The following ESCO1 variants were observed in gnomAD, a reference collection of about 807,000 sequenced individuals.
ESCO1 encodes establishment of sister chromatid cohesion N-acetyltransferase 1.
Under a neutral mutation model 83.5 loss-of-function variants are expected in ESCO1, and 33 were observed. The ratio of observed to expected loss-of-function variants is 0.40; its 90% CI spans 0.30 to 0.53. The LOEUF is 0.53. Among genes scored for constraint, ESCO1 ranks in the 20% least tolerant of loss-of-function variants. The pLI is 0.63. For missense variants in ESCO1, 855 were observed against 968.0 expected, an observed-to-expected ratio of 0.88 and a Z score of 1.55; for synonymous variants, 332 against 324.3, an observed-to-expected ratio of 1.02 and a Z score of -0.25.
intron 1 of ESCO1, among the ~76,000 whole-genome samples, chr18:21,590,382 C>T (rs1269994167): frequency 2.6e-5 from 4 of 151,450 alleles, no homozygotes; most frequent in Non-Finnish European, 5.9e-5. Flanking sequence ...CCACCACACC[C>T]AGCTAATTAT....
At chr18:21,595,412 G>C (rs1443935046) in intron 1 of ESCO1, among the ~76,000 whole-genome samples, 1 of 149,042 alleles carries the variant, frequency 6.7e-6, no homozygotes, top group Non-Finnish European at 1.5e-5. Context: ...GTTCACGCCT[G>C]TAATCCCAGC....
intron 1 of ESCO1, among the ~76,000 whole-genome samples, chr18:21,586,326 C>T (rs1200636618): frequency 6.6e-6 from 1 of 152,138 alleles, no homozygotes; most frequent in Non-Finnish European, 1.5e-5. Context: ...TAATGTCTTC[C>T]AGTTTTATCC....
intron 4 of ESCO1, among the ~76,000 whole-genome samples, chr18:21,570,420 G>C (rs531757144): frequency 1.1e-4 from 17 of 152,226 alleles, no homozygotes; most frequent in Admixed American, 5.2e-4. Flanking sequence ...TCTTTTCATA[G>C]AAGAAAAGAT....
intron 1 of ESCO1, among the ~76,000 whole-genome samples, chr18:21,589,410 TTTCTTTG>T (rs1461883188): frequency 2.1e-5 from 1 of 47,340 alleles, no homozygotes; most frequent in Non-Finnish European, 1.2e-4. Context: ...TTTTTACTTT[TTTCTTTG>T]TTATTTATTT....
At chr18:21,544,880 A>C (rs2037952756) in intron 8 of ESCO1, among the ~76,000 whole-genome samples, 1 of 152,224 alleles carries the variant, frequency 6.6e-6, no homozygotes, top group Admixed American at 6.5e-5. Flanking sequence ...GAAGTAAAAA[A>C]TAAATGCAAA....
intron 1 of ESCO1, among the ~76,000 whole-genome samples, chr18:21,595,856 C>G (rs1291165843): frequency 6.6e-6 from 1 of 151,164 alleles, no homozygotes; most frequent in African/African-American, 2.4e-5. Flanking sequence ...CCCAGCTACT[C>G]GGGAGGCTGA....
chr18:21,559,180 G>A (rs1277109262), intron 8 of ESCO1, among the ~76,000 whole-genome samples: 3 of 152,074 alleles, frequency 2.0e-5, no homozygotes, highest in Non-Finnish European at 4.4e-5. Flanking sequence ...TAAGAATGTC[G>A]ACCTTGATAA....
At chr18:21,543,321 ATTTT>A (rs1447449841) in intron 8 of ESCO1, among the ~76,000 whole-genome samples, 2 of 151,736 alleles carry the variant, frequency 1.3e-5, no homozygotes, top group Non-Finnish European at 2.9e-5. Context: ...CGCCGAGCTG[ATTTT>A]TTTTGTATTT....
At position 21,584,438 on chromosome 18, in the gene ESCO1, A is replaced by T. The variant is rs2038545381; in HGVS notation, c.-822T>A. 2 of 126,762 alleles carry T rather than the reference A, an allele frequency of 1.6e-5. No homozygotes were observed. Among genetic ancestry groups the T allele is most frequent in the South Asian group, 2.6e-4 (1 of 3,902 alleles). 7.9% of individuals were successfully genotyped at this position (126,762 alleles called of 1,614,324 possible). The stretch of plus-strand genomic sequence containing the variant: ...AAAAAAAAACTCTATAGCCAAAGAC[A>T]ATCTATTGAAAAAAAAAAATACAAA... On this transcript the variant is annotated splice_region_variant and 5_prime_UTR_variant, in exon 2 of 12. Transcript: ENST00000269214.
At chr18:21,582,333 G>A (rs1242662997) in intron 2 of ESCO1, among the ~76,000 whole-genome samples, 1 of 151,666 alleles carries the variant, frequency 6.6e-6, no homozygotes, top group African/African-American at 2.4e-5. Context: ...GGGTTCAAGC[G>A]AGTCTCCCGC....
In ESCO1 at chr18:21,573,809, A is replaced by T. The variant is rs780564494; in HGVS notation, c.1035T>A (p.Ser345Arg). The change falls in exon 4 of 12, where the codon AGT becomes AGA. Residue 345 changes from serine (S) to arginine (R), a missense_variant. Transcript: ENST00000269214. Reference protein sequence around the residue: ...KPTEIKLEETSVERQILHQKE... With the variant: ...KPTEIKLEETRVERQILHQKE... Reference sequence around the variant, plus strand: ...TCTGATGAAGTATTTGTCTTTCAACACTGGTCTCTTCCAATTTTATTTCTG... The same window carrying T: ...TCTGATGAAGTATTTGTCTTTCAACTCTGGTCTCTTCCAATTTTATTTCTG... 6.2e-7 allele frequency: 1 copy of T among 1,614,084 alleles called. No individual in the cohort carries two copies. Among genetic ancestry groups the T allele is most frequent in the Non-Finnish European group, 8.5e-7 (1 of 1,180,004 alleles).
chr18:21,545,221 C>T (rs1598981595), intron 8 of ESCO1, among the ~76,000 whole-genome samples: 1 of 152,156 alleles, frequency 6.6e-6, no homozygotes, highest in South Asian at 2.1e-4. Flanking sequence ...AGATGTGAGA[C>T]ACCATGTCTA....
intron 3 of ESCO1, 66 bp from the exon 4 acceptor site, chr18:21,575,496 C>T (rs2038407619): frequency 2.5e-6 from 1 of 398,086 alleles, no homozygotes. Flanking sequence ...GCTAATACTA[C>T]ACAGAAATAA....
chr18:21,568,416 T>C (rs911343173), intron 4 of ESCO1, among the ~76,000 whole-genome samples: 5 of 151,888 alleles, frequency 3.3e-5, no homozygotes, highest in African/African-American at 4.8e-5. Context: ...TGACACCCTA[T>C]CTCAAAAAAA....
intron 7 of ESCO1, among the ~76,000 whole-genome samples, chr18:21,562,702 T>A (rs1188403843): frequency 6.6e-6 from 1 of 152,080 alleles, no homozygotes; most frequent in Non-Finnish European, 1.5e-5. Context: ...CCTAGTACTT[T>A]GGGTGCCTTA....
In ESCO1 at chr18:21,532,509, C is replaced by T; in HGVS notation, c.2339G>A (p.Arg780Gln). Reference sequence around the variant, plus strand: ...AATCATGCGAGAAGCAATTTTCTTCCGACGCATCATGCTGAATACCCATAT... The same window carrying T: ...AATCATGCGAGAAGCAATTTTCTTCTGACGCATCATGCTGAATACCCATAT... ...SRIWVFSMMR[R>Q]KKIASRMIEC... Residue 780 changes from arginine (R) to glutamine (Q), a missense_variant, in exon 11 of 12, where the codon CGG (arginine) becomes CAG (glutamine). This residue lies in a region of ESCO1 where 129 missense variants were observed against 268.5 expected (regional missense o/e 0.48). Transcript: ENST00000269214. The T allele has an allele frequency of 1.9e-6, 3 of 1,613,068 alleles. No individual in the cohort carries two copies. Among genetic ancestry groups the T allele is most frequent in the Non-Finnish European group, 2.5e-6 (3 of 1,179,264 alleles).
intron 1 of ESCO1, among the ~76,000 whole-genome samples, chr18:21,599,299 C>A (rs1484465905): frequency 6.6e-6 from 1 of 152,198 alleles, no homozygotes; most frequent in African/African-American, 2.4e-5. Flanking sequence ...ACAGTGATTA[C>A]ACCACTGCAA....
chr18:21,537,532 T>TA (rs2037852330), intron 9 of ESCO1, among the ~76,000 whole-genome samples: 1 of 152,046 alleles, frequency 6.6e-6, no homozygotes, highest in Non-Finnish European at 1.5e-5. Flanking sequence ...GGAATTCTCT[T>TA]AAAAAACAAA....
chr18:21,564,476 T>G (rs1015269684), intron 6 of ESCO1, among the ~76,000 whole-genome samples, 159 bp from the exon 7 acceptor site: 4 of 152,000 alleles, frequency 2.6e-5, no homozygotes, highest in African/African-American at 9.7e-5. Flanking sequence ...CTGCAAACTT[T>G]GCCTCCTGGG....
Sources: gnomAD v4.1 joint callset for allele counts (sites outside exome capture counted in the v4.1 genomes callset) on GRCh38, gnomAD v4.1.1 for gene constraint, gnomAD v4.1.1 regional missense constraint, MANE v1.5 for transcripts, NCBI Gene and HGNC (gene_info 2026-07-23, HGNC 2026-07-21) for gene names.